The following AOAH variants were observed in gnomAD, a reference collection of about 807,000 sequenced individuals.
AOAH encodes the protein acyloxyacyl hydrolase (neutrophil).
In AOAH, 64 loss-of-function variants were observed where a neutral mutation model predicts 92.2. The observed-to-expected ratio is 0.69, with a 90% CI of 0.57 to 0.86. AOAH has a LOEUF of 0.86. AOAH is among the 40% of genes least tolerant of loss of function. The pLI, the probability that AOAH is intolerant of heterozygous loss-of-function variation, is 0.00. For synonymous variants in AOAH, 263 were observed against 254.5 expected (o/e 1.03, Z -0.32); for missense variants, 656 against 694.6 (o/e 0.94, Z 0.62).
At chr7:36,673,867 C>G (rs1314286647) in intron 3 of AOAH, 76 bp downstream of exon 3, 1 of 1,002,160 alleles carries the variant, frequency 1.0e-6, no homozygotes, top group East Asian at 2.5e-5. Flanking sequence ...GAACACAGAG[C>G]CTCCCACCTC....
chr7:36,684,591 C>T (rs2116754748), intron 2 of AOAH, among the ~76,000 whole-genome samples: 1 of 152,042 alleles, frequency 6.6e-6, no homozygotes, highest in African/African-American at 2.4e-5. Flanking sequence ...TAATAGATCT[C>T]ATCATTGAAC....
intron 15 of AOAH, among the ~76,000 whole-genome samples, chr7:36,542,957 T>TTAAAG (rs1375455285): frequency 3.3e-5 from 5 of 152,214 alleles, no homozygotes; most frequent in Admixed American, 1.3e-4. Flanking sequence ...CTAAAAAGTA[T>TTAAAG]TAAAGTATTG....
chr7:36,671,137 G>A (rs1795898709), intron 3 of AOAH, among the ~76,000 whole-genome samples: 1 of 152,100 alleles, frequency 6.6e-6, no homozygotes, highest in Non-Finnish European at 1.5e-5. Context: ...TAGACGAAAA[G>A]GGTTTCTTTT....
intron 15 of AOAH, among the ~76,000 whole-genome samples, chr7:36,545,714 T>C (rs576456214): frequency 6.6e-6 from 1 of 152,246 alleles, no homozygotes; most frequent in Non-Finnish European, 1.5e-5. Context: ...AATTGTCCAC[T>C]GTAACAAATG....
At chr7:36,527,860 C>T (rs1157597460) in intron 19 of AOAH, among the ~76,000 whole-genome samples, 1 of 152,174 alleles carries the variant, frequency 6.6e-6, no homozygotes, top group Non-Finnish European at 1.5e-5. Context: ...CGGGTGGTTA[C>T]CCACAGAGAT....
intron 1 of AOAH, among the ~76,000 whole-genome samples, chr7:36,720,139 G>GTT (rs34907212): frequency 1.8e-4 from 27 of 146,596 alleles, no homozygotes; most frequent in Admixed American, 2.7e-4. Flanking sequence ...GAATTCTAAA[G>GTT]TTTTTTTTTT....
chr7:36,566,758 G>C (rs1374333649), intron 13 of AOAH, among the ~76,000 whole-genome samples: 1 of 152,064 alleles, frequency 6.6e-6, no homozygotes. Flanking sequence ...CCTTCCTCCA[G>C]GACCACTTGA....
At chr7:36,553,141 C>T (rs1216021320) in intron 13 of AOAH, among the ~76,000 whole-genome samples, 2 of 133,292 alleles carry the variant, frequency 1.5e-5, no homozygotes, top group Non-Finnish European at 3.1e-5. Context: ...CACAACTGTC[C>T]CCAGAGTGTG....
chr7:36,673,065 A>G (rs893859818), intron 3 of AOAH, among the ~76,000 whole-genome samples: 4 of 152,208 alleles, frequency 2.6e-5, no homozygotes, highest in Non-Finnish European at 5.9e-5. Context: ...ATAGGAGCAG[A>G]GAAAGTTATG....
chr7:36,681,007 A>T (rs1396110238), intron 2 of AOAH, among the ~76,000 whole-genome samples: 3 of 139,358 alleles, frequency 2.2e-5, no homozygotes, highest in Admixed American at 7.0e-5. Flanking sequence ...TTGCTAGTAT[A>T]TTAAGAAGAG....
chr7:36,614,821 C>T lies in AOAH; in HGVS notation c.846+1559G>A, dbSNP rs1791742791. Among the ~76,000 whole-genome samples, 1 of 152,188 alleles carries T rather than the reference C, an allele frequency of 6.6e-6. No individual in the cohort carries two copies. The highest frequency in any genetic ancestry group is 2.1e-4 in the South Asian group (1 of 4,826). ...ACCCATCCAAATAATTAGCATGTTCCAGCACAGAGGTTTGAAGACTTTTGG... is the reference window on the plus strand; with the variant it reads ...ACCCATCCAAATAATTAGCATGTTCTAGCACAGAGGTTTGAAGACTTTTGG... On this transcript the variant is annotated intron_variant, in intron 11 of 20. Transcript: ENST00000617537. This position sits in a 1 kb window ranked among gnomAD's most constrained non-coding sequence, Gnocchi z 4.2.
chr7:36,633,611 C>G (rs754843827), intron 5 of AOAH, among the ~76,000 whole-genome samples: 1 of 152,024 alleles, frequency 6.6e-6, no homozygotes, highest in Non-Finnish European at 1.5e-5. Flanking sequence ...TGGCAGAATG[C>G]AGTGAACCAT....
At chr7:36,540,572 TCACACACACATACGCA>T (rs1785358838) in intron 15 of AOAH, 81 bp from the exon 16 acceptor site, 1 of 1,248,256 alleles carries the variant, frequency 8.0e-7, no homozygotes, top group African/African-American at 1.5e-5. Context: ...ACAAGATACA[TCACACACACATACGCA>T]CACACACACA....
rs532921903 is a variant in AOAH, at chr7:36,609,825, G to A, written c.846+6555C>T. Among the ~76,000 whole-genome samples the A allele has an allele frequency of 4.6e-5, 7 of 152,140 alleles. No individual in the cohort carries two copies. The East Asian group carries it at 1.4e-3, about 29-fold the overall frequency. ...CATTGTCATCCGATCACAGGGCTTG[G>A]CACATAGTAGACCTGGCTAGCATTT... On this transcript the variant is annotated intron_variant, in intron 11 of 20. Transcript: ENST00000617537.
chr7:36,581,064 C>T (rs1788897157), intron 12 of AOAH, among the ~76,000 whole-genome samples: 1 of 152,076 alleles, frequency 6.6e-6, no homozygotes, highest in Non-Finnish European at 1.5e-5. Flanking sequence ...GGCAGTTGAC[C>T]ACCTGTGGAG....
Position 36,581,411 on chromosome 7 carries a change from G to A in AOAH, c.939-4755C>T, listed in dbSNP as rs531332592. 4.6e-5 allele frequency among the ~76,000 whole-genome samples: 7 copies of A among 152,298 alleles called. No individual in the cohort carries two copies. The South Asian group carries it at 1.4e-3, about 32-fold the overall frequency. On this transcript the variant is annotated intron_variant, in intron 12 of 20. Coordinates refer to ENST00000617537, the MANE Select transcript of AOAH (RefSeq NM_001637.4). Reference sequence around the variant, plus strand: ...TTTCAAGGGAGAGATGTAAGTGCTTGTGTTCAATCTGCTATCTTACTCAAA... The same window carrying A: ...TTTCAAGGGAGAGATGTAAGTGCTTATGTTCAATCTGCTATCTTACTCAAA...
chr7:36,522,206 T>C (rs866164641), intron 19 of AOAH, 91 bp from the exon 20 acceptor site: 1 of 1,215,242 alleles, frequency 8.2e-7, no homozygotes. Context: ...GCCCATGCCC[T>C]CCCGGGCCCA....
chr7:36,531,403 A>G (rs1382550126), intron 18 of AOAH, among the ~76,000 whole-genome samples: 2 of 152,088 alleles, frequency 1.3e-5, no homozygotes, highest in Non-Finnish European at 2.9e-5. Flanking sequence ...CTGGAATGCA[A>G]TGGCGCGATC....
chr7:36,557,042 T>G (rs1172670107), intron 13 of AOAH, among the ~76,000 whole-genome samples: 1 of 151,964 alleles, frequency 6.6e-6, no homozygotes, highest in African/African-American at 2.4e-5. Flanking sequence ...ATTAGCTGGT[T>G]ATTTTGCTCG....
Sources: allele counts gnomAD v4.1 joint callset (sites outside exome capture counted in the v4.1 genomes callset), GRCh38; gene constraint gnomAD v4.1.1; non-coding constraint Gnocchi (gnomAD v3.1); transcripts MANE v1.5; gene names NCBI Gene and HGNC (gene_info 2026-07-23, HGNC 2026-07-21).